The following NTRK2 variants were observed in gnomAD, a reference collection of about 807,000 sequenced individuals.
NTRK2 encodes BDNF/NT-3 growth factors receptor.
In NTRK2, 13 loss-of-function variants were observed where a neutral mutation model predicts 94.5. The observed-to-expected ratio is 0.14, with a 90% confidence interval of 0.09 to 0.22. The LOEUF is 0.22. Ranked by LOEUF, NTRK2 falls within the 10% of genes least tolerant of loss-of-function variation. NTRK2 has a pLI of 1.00. For synonymous variants in NTRK2, 372 were observed against 407.4 expected (o/e 0.91, Z 1.05); for missense variants, 639 against 1,071.2 (o/e 0.60, Z 5.63).
chr9:84,688,537 A>G (rs1187357), intron 2 of NTRK2, among the ~76,000 whole-genome samples: 1 of 152,330 alleles, frequency 6.6e-6, no homozygotes, highest in East Asian at 1.9e-4. Context: ...AGACACAAGC[A>G]GATCACAAGC....
intron 12 of NTRK2, among the ~76,000 whole-genome samples, chr9:84,836,770 T>C (rs1381759080): frequency 6.7e-6 from 1 of 150,088 alleles, no homozygotes; most frequent in Non-Finnish European, 1.5e-5. Flanking sequence ...ATGATATTTC[T>C]GCGGTGGCAC....
At chr9:84,694,509 A>G (rs1371760504) in intron 2 of NTRK2, among the ~76,000 whole-genome samples, 1 of 152,220 alleles carries the variant, frequency 6.6e-6, no homozygotes, top group African/African-American at 2.4e-5. Context: ...ATACCCCCTC[A>G]AGAATAGAGC....
intron 12 of NTRK2, among the ~76,000 whole-genome samples, chr9:84,858,824 C>T (rs2131969510): frequency 1.3e-5 from 2 of 151,896 alleles, no homozygotes; most frequent in Non-Finnish European, 2.9e-5. Flanking sequence ...TTTTAAAATT[C>T]AGTTAATTTT....
chr9:84,673,904 A>G (rs892606063), intron 2 of NTRK2, among the ~76,000 whole-genome samples: 1 of 152,240 alleles, frequency 6.6e-6, no homozygotes, highest in South Asian at 2.1e-4. Context: ...TTATTTGGAA[A>G]TGGTTATACC....
At chr9:84,715,862 C>T (rs1383638917) in intron 6 of NTRK2, among the ~76,000 whole-genome samples, 1 of 152,008 alleles carries the variant, frequency 6.6e-6, no homozygotes, top group Non-Finnish European at 1.5e-5. Flanking sequence ...AGTCACCTCC[C>T]CTGGCATAAT....
intron 2 of NTRK2, among the ~76,000 whole-genome samples, chr9:84,674,610 T>G (rs1311986993): frequency 6.6e-6 from 1 of 152,366 alleles, no homozygotes; most frequent in East Asian, 1.9e-4. Context: ...GAGCCATGTA[T>G]TTAAATTTGG....
At chr9:84,857,280 A>G (rs945317719) in intron 12 of NTRK2, among the ~76,000 whole-genome samples, 10 of 152,214 alleles carry the variant, frequency 6.6e-5, no homozygotes, top group African/African-American at 2.4e-4. Flanking sequence ...TTCTTGGTCT[A>G]CATTCCAAAA....
chr9:84,855,581 ATTTTTTT>A (rs377152273), intron 12 of NTRK2, among the ~76,000 whole-genome samples: 4 of 133,718 alleles, frequency 3.0e-5, no homozygotes, highest in East Asian at 4.4e-4. Context: ...CCTCAAGCAT[ATTTTTTT>A]TTTTTTTTTT....
At chr9:84,747,473 GTTTTTTTTTTTT>G (rs766939495) in intron 11 of NTRK2, among the ~76,000 whole-genome samples, 1 of 122,358 alleles carries the variant, frequency 8.2e-6, no homozygotes, top group Admixed American at 8.5e-5. Flanking sequence ...AGTTTTCTGG[GTTTTTTTTTTTT>G]TTTTTTTTTT....
chr9:84,784,505 T>C (rs1366066501), intron 12 of NTRK2, among the ~76,000 whole-genome samples: 1 of 152,186 alleles, frequency 6.6e-6, no homozygotes, highest in Non-Finnish European at 1.5e-5. Flanking sequence ...GTTACAGGGG[T>C]AGAGTTTGAT....
intron 6 of NTRK2, among the ~76,000 whole-genome samples, chr9:84,714,278 T>C (rs1423129321): frequency 1.3e-5 from 2 of 152,062 alleles, no homozygotes; most frequent in Non-Finnish European, 2.9e-5. Context: ...CAGCAGGGAG[T>C]CCTGCAATCC....
rs749391570 is a variant in NTRK2, at chr9:84,727,874, C to T, written c.1074C>T (p.Asp358=). ...LDNPTHMNNG[D]YTLIAKNEYG... is the part of the protein sequence containing the mutation. ...ATCCCACTCACATGAACAATGGGGACTACACTCTAATAGCCAAGAATGAGT... is the reference window on the plus strand; with the variant it reads ...ATCCCACTCACATGAACAATGGGGATTACACTCTAATAGCCAAGAATGAGT... Residue 358 remains aspartate, a synonymous_variant, in exon 9 of 19, where the codon GAC becomes GAT. Coordinates refer to ENST00000277120, the MANE Select transcript of NTRK2 (RefSeq NM_006180.6). 1 of 1,614,040 alleles carries T rather than the reference C, an allele frequency of 6.2e-7. No individual in the cohort carries two copies. The highest frequency in any genetic ancestry group is 8.5e-7 in the Non-Finnish European group (1 of 1,179,988).
Position 84,813,610 on chromosome 9 carries a change from T to C in NTRK2, c.1397-47430T>C, listed in dbSNP as rs201901279. On this transcript the variant is annotated intron_variant, in intron 12 of 18. Coordinates refer to ENST00000277120, the MANE Select transcript of NTRK2 (RefSeq NM_006180.6). ...AATTACCTTTGCTCCTCTCCTGTGA[T>C]TCCCACCATGCTGTGACCCTCAGCT... 74 of 1,065,834 alleles carry C rather than the reference T, an allele frequency of 6.9e-5. 1 individual carries two copies. In the South Asian group the frequency reaches 7.3e-4, roughly 10 times the overall value. The allele number at this position is 1,065,834 out of a possible 1,614,324, so 66.0% of individuals were successfully genotyped here. A position where few individuals can be genotyped will look rare whatever the true frequency, so the allele number is the denominator to read the frequency against.
chr9:84,769,812 T>C (rs1045587751), intron 12 of NTRK2, among the ~76,000 whole-genome samples: 2 of 152,192 alleles, frequency 1.3e-5, no homozygotes, highest in Non-Finnish European at 2.9e-5. Flanking sequence ...AATTGAATTT[T>C]ATACTGTCAG....
intron 17 of NTRK2, among the ~76,000 whole-genome samples, chr9:85,004,923 A>G (rs1377705789): frequency 1.3e-5 from 2 of 152,214 alleles, no homozygotes; most frequent in Non-Finnish European, 1.5e-5. Context: ...GACCATTTGC[A>G]TAAATCCTAA....
intron 2 of NTRK2, among the ~76,000 whole-genome samples, chr9:84,687,188 T>TA (rs1464703070): frequency 6.6e-6 from 1 of 152,180 alleles, no homozygotes; most frequent in African/African-American, 2.4e-5. Context: ...ATGCTGGGAT[T>TA]ACAGGTGTAA....
chr9:84,686,270 C>T (rs73482727), intron 2 of NTRK2, among the ~76,000 whole-genome samples: 189 of 152,302 alleles, frequency 1.2e-3, no homozygotes, highest in African/African-American at 4.5e-3. Context: ...AGGCTGATTA[C>T]ATATCCAACA....
chr9:84,922,661 C>T (rs2077606436), intron 14 of NTRK2, among the ~76,000 whole-genome samples: 2 of 152,182 alleles, frequency 1.3e-5, no homozygotes. Context: ...TCCCGAGGCC[C>T]ATCAGGATGT....
intron 17 of NTRK2, among the ~76,000 whole-genome samples, chr9:84,971,754 T>C (rs191256272): frequency 6.6e-6 from 1 of 152,272 alleles, no homozygotes; most frequent in African/African-American, 2.4e-5. Context: ...TGAGGGGCTC[T>C]TACAGAAGCT....
Sources: allele counts gnomAD v4.1 joint callset (sites outside exome capture counted in the v4.1 genomes callset), GRCh38; gene constraint gnomAD v4.1.1; transcripts MANE v1.5; gene names NCBI Gene and HGNC (gene_info 2026-07-23, HGNC 2026-07-21).